Variants in ARHGAP25 observed in about 807,000 individuals in gnomAD.
The protein encoded by ARHGAP25 is Rho GTPase activating protein 25, also known as rho GTPase-activating protein 25.
In ARHGAP25, 34 loss-of-function variants were observed where a neutral mutation model predicts 71.0. That is an observed-to-expected ratio of 0.48 (90% confidence interval 0.36 to 0.64). The LOEUF is 0.64. Among genes scored for constraint, ARHGAP25 ranks in the 30% least tolerant of loss-of-function variants. The pLI is 0.00. For missense variants in ARHGAP25, 706 were observed against 805.1 expected, an observed-to-expected ratio of 0.88 and a Z score of 1.49; for synonymous variants, 282 against 296.5, an observed-to-expected ratio of 0.95 and a Z score of 0.50.
At chr2:68,710,742 C>T (rs923140990) in intron 2 of ARHGAP25, 1 of 152,214 alleles carries the variant, frequency 6.6e-6, no homozygotes, top group Admixed American at 6.5e-5. Context: ...CCTCAGTCAT[C>T]TGGTGATTTC....
At chr2:68,717,681 T>A (rs561154924) in intron 2 of ARHGAP25, among the ~76,000 whole-genome samples, 1 of 152,204 alleles carries the variant, frequency 6.6e-6, no homozygotes, top group African/African-American at 2.4e-5. Context: ...CATATTCCTA[T>A]GGCTTTTCTT....
chr2:68,786,505 A>G lies in ARHGAP25; in HGVS notation c.350-1335A>G, dbSNP rs555812367. ...GGAAATAATACTAACTCCTTATTCTATTTCAAAGGGATATTGCAATTCCTA... is the reference window on the plus strand; with the variant it reads ...GGAAATAATACTAACTCCTTATTCTGTTTCAAAGGGATATTGCAATTCCTA... On this transcript the variant is annotated intron_variant, in intron 3 of 10. Transcript: ENST00000409202. Among the ~76,000 whole-genome samples, 25 of 152,286 alleles carry G rather than the reference A, an allele frequency of 1.6e-4. 1 individual carries two copies. The highest frequency in any genetic ancestry group is 5.3e-4 in the African/African-American group (22 of 41,548).
intron 1 of ARHGAP25, among the ~76,000 whole-genome samples, chr2:68,747,769 C>T (rs1052372763): frequency 2.0e-5 from 3 of 152,088 alleles, no homozygotes; most frequent in African/African-American, 4.8e-5. Flanking sequence ...AGGCTAAAAA[C>T]CTAGAGTCAT....
chr2:68,783,448 T>G (rs1428481815), intron 3 of ARHGAP25, among the ~76,000 whole-genome samples: 2 of 151,970 alleles, frequency 1.3e-5, no homozygotes, highest in Non-Finnish European at 2.9e-5. Context: ...TTGTTTGTTT[T>G]TTTTGTTTTT....
At chr2:68,789,250 G>A (rs1678992419) in intron 4 of ARHGAP25, among the ~76,000 whole-genome samples, 1 of 152,088 alleles carries the variant, frequency 6.6e-6, no homozygotes, top group Non-Finnish European at 1.5e-5. Flanking sequence ...ATGTTGGCCA[G>A]GATGGTCTCG....
intron 1 of ARHGAP25, among the ~76,000 whole-genome samples, chr2:68,755,971 T>C (rs1676458018): frequency 6.6e-6 from 1 of 152,274 alleles, no homozygotes; most frequent in South Asian, 2.1e-4. Context: ...AATGAAATTA[T>C]ACCCTTAAAA....
intron 1 of ARHGAP25, among the ~76,000 whole-genome samples, chr2:68,749,180 G>A (rs1676011853): frequency 1.3e-5 from 2 of 152,112 alleles, no homozygotes; most frequent in African/African-American, 2.4e-5. Flanking sequence ...CAATTACATT[G>A]GGCCCTATGC....
chr2:68,713,773 G>A (rs368122147), intron 2 of ARHGAP25, among the ~76,000 whole-genome samples: 3 of 152,140 alleles, frequency 2.0e-5, no homozygotes, highest in African/African-American at 4.8e-5. Flanking sequence ...TTTTGTCATT[G>A]GTTCTGTTTA....
chr2:68,765,084 T>TTC lies in ARHGAP25; in HGVS notation c.62-10127_62-10126dup, dbSNP rs1243959740. ...GGCTCCCTCCGGTTTCTGCTGCCCT[T>TTC]TCTCTCTCTCTGCCAGTAAGTGTTG... On this transcript the variant is annotated intron_variant, in intron 1 of 10. Transcript: ENST00000409202. 2.6e-5 allele frequency among the ~76,000 whole-genome samples: 4 copies of TTC among 152,216 alleles called. No individual in the cohort carries two copies. In the South Asian group the frequency reaches 6.2e-4, roughly 24 times the overall value.
chr2:68,786,650 A>C (rs1264551911), intron 3 of ARHGAP25, among the ~76,000 whole-genome samples: 1 of 152,190 alleles, frequency 6.6e-6, no homozygotes, highest in Non-Finnish European at 1.5e-5. Context: ...TGATGACCTA[A>C]TGACAAGATG....
At chr2:68,817,756 A>C in intron 7 of ARHGAP25, 117 bp from the exon 8 acceptor site, 1 of 1,309,788 alleles carries the variant, frequency 7.6e-7, no homozygotes. Context: ...GGCTGGTCTC[A>C]TTCCTGAGTC....
At chr2:68,816,132 CT>C (rs67399232) in intron 6 of ARHGAP25, 156 bp from the exon 7 acceptor site, 380,451 of 636,910 alleles carry the variant, frequency 0.6, 98,101 homozygotes, top group East Asian at 0.87. Context: ...AGTTATTTCC[CT>C]TTTTTTTTTT....
intron 1 of ARHGAP25, among the ~76,000 whole-genome samples, chr2:68,763,860 T>C (rs1676968019): frequency 6.6e-6 from 1 of 152,206 alleles, no homozygotes. Context: ...TAGTTTCTAA[T>C]CTTTCTTTTA....
intron 1 of ARHGAP25, among the ~76,000 whole-genome samples, chr2:68,774,451 C>G (rs1677691183): frequency 6.6e-6 from 1 of 152,224 alleles, no homozygotes; most frequent in Non-Finnish European, 1.5e-5. Flanking sequence ...GTTCAAGGGG[C>G]TCTGGCTTCA....
chr2:68,787,473 T>C (rs1486234198), intron 3 of ARHGAP25, among the ~76,000 whole-genome samples: 1 of 152,250 alleles, frequency 6.6e-6, no homozygotes, highest in Non-Finnish European at 1.5e-5. Flanking sequence ...ACGGTTGGCG[T>C]GATGATCTAA....
chr2:68,740,245 C>A (rs1675450156), intron 1 of ARHGAP25, among the ~76,000 whole-genome samples: 1 of 152,178 alleles, frequency 6.6e-6, no homozygotes, highest in Admixed American at 6.5e-5. Flanking sequence ...TCTTTAAGAT[C>A]TAGGTGCAGA....
rs192525448 is a variant in ARHGAP25, at chr2:68,736,318, A to T, written c.61+1058A>T. Among the ~76,000 whole-genome samples, 345 of 152,342 alleles carry T rather than the reference A, an allele frequency of 2.3e-3. 4 individuals carry two copies. The highest frequency in any genetic ancestry group is 8.2e-3 in the African/African-American group (340 of 41,574). On this transcript the variant is annotated intron_variant, in intron 1 of 10. Transcript: ENST00000409202. ...TAACTAGGGGAGATTAGCGTTCCCT[A>T]ATCAAGCTGTGAATGATTGTATGCT...
chr2:68,740,781 T>C (rs187994878), intron 1 of ARHGAP25, among the ~76,000 whole-genome samples: 23 of 152,290 alleles, frequency 1.5e-4, no homozygotes, highest in South Asian at 8.3e-4. Flanking sequence ...TTGAACAAAA[T>C]GAGTTGTTCT....
Position 68,779,127 on chromosome 2 carries a change from C to T in ARHGAP25, c.262-3106C>T, listed in dbSNP as rs556218966. ...CTCATCTGCCTGTTTTCTGAGGCAT[C>T]GCCACAAGTGGTTGTCTACCAGCGG... On this transcript the variant is annotated intron_variant, in intron 2 of 10. Transcript: ENST00000409202. 2.9e-4 allele frequency among the ~76,000 whole-genome samples: 44 copies of T among 152,290 alleles called. 1 individual carries two copies. In the South Asian group the frequency reaches 8.3e-3, roughly 29 times the overall value.
Sources: gnomAD v4.1 joint callset for allele counts (sites outside exome capture counted in the v4.1 genomes callset) on GRCh38, gnomAD v4.1.1 for gene constraint, MANE v1.5 for transcripts, NCBI Gene and HGNC (gene_info 2026-07-23, HGNC 2026-07-21) for gene names.